Variants in BPGM observed in about 807,000 individuals in gnomAD.
BPGM encodes the protein 2,3-bisphosphoglycerate mutase, erythrocyte.
BPGM carries 15 observed loss-of-function variants against 21.6 expected under a neutral mutation model. The ratio of observed to expected loss-of-function variants is 0.70; its 90% CI spans 0.47 to 1.07. The LOEUF (loss-of-function observed/expected upper bound fraction) is 1.07. BPGM is among the 50% of genes least tolerant of loss of function. The probability of loss-of-function intolerance (pLI) is 0.00; values close to 1 mark genes in which losing one functional copy is unlikely to be tolerated. For synonymous variants in BPGM, 113 were observed against 116.2 expected (o/e 0.97, Z 0.18); for missense variants, 273 against 319.0 (o/e 0.86, Z 1.10).
chr7:134,652,279 A>G (rs1183158570), intron 1 of BPGM, among the ~76,000 whole-genome samples: 1 of 152,226 alleles, frequency 6.6e-6, no homozygotes, highest in Non-Finnish European at 1.5e-5. Flanking sequence ...AGCTAGGCCA[A>G]TATCGGCATA....
chr7:134,649,334 G>C (rs1410241679), intron 1 of BPGM, among the ~76,000 whole-genome samples: 1 of 152,186 alleles, frequency 6.6e-6, no homozygotes, highest in East Asian at 1.9e-4. Flanking sequence ...GTATAATGTG[G>C]CAGAAAAATG....
intron 2 of BPGM, among the ~76,000 whole-genome samples, chr7:134,675,503 GATT>G (rs1795972512): frequency 6.6e-6 from 1 of 152,054 alleles, no homozygotes; most frequent in Admixed American, 6.6e-5. Context: ...TTGTTGAAAA[GATT>G]ATTGTTTCTG....
intron 1 of BPGM, among the ~76,000 whole-genome samples, chr7:134,657,692 C>A (rs893162414): frequency 6.6e-6 from 1 of 152,112 alleles, no homozygotes; most frequent in African/African-American, 2.4e-5. Flanking sequence ...CAGTTCAGAT[C>A]TTTTTCAGTG....
At chr7:134,667,742 ACTT>A (rs796751974) in intron 2 of BPGM, among the ~76,000 whole-genome samples, 4 of 152,246 alleles carry the variant, frequency 2.6e-5, no homozygotes, top group African/African-American at 9.6e-5. Flanking sequence ...GTTTATGTAA[ACTT>A]CTCCCATATA....
intron 1 of BPGM, among the ~76,000 whole-genome samples, chr7:134,651,982 GA>G (rs1162760959): frequency 7.2e-5 from 11 of 152,150 alleles, no homozygotes; most frequent in African/African-American, 2.4e-4. Context: ...ATTTTTGAAG[GA>G]GATTAACAGG....
At chr7:134,669,004 A>G (rs1331051438) in intron 2 of BPGM, among the ~76,000 whole-genome samples, 1 of 152,152 alleles carries the variant, frequency 6.6e-6, no homozygotes, top group African/African-American at 2.4e-5. Context: ...AGTTGTCAAA[A>G]CTCATAGAAC....
At chr7:134,660,738 C>A (rs1047803507) in intron 1 of BPGM, 1 of 152,282 alleles carries the variant, frequency 6.6e-6, no homozygotes, top group Non-Finnish European at 1.5e-5. Context: ...TGGATTTATT[C>A]CTGCTGAAAA....
At chr7:134,673,414 T>A (rs748161674) in intron 2 of BPGM, among the ~76,000 whole-genome samples, 2 of 152,192 alleles carry the variant, frequency 1.3e-5, no homozygotes, top group Non-Finnish European at 1.5e-5. Context: ...TTTGTTTATT[T>A]GGCTCTTTAA....
At chr7:134,675,945 C>T (rs1412009128) in intron 2 of BPGM, among the ~76,000 whole-genome samples, 1 of 152,108 alleles carries the variant, frequency 6.6e-6, no homozygotes, top group Non-Finnish European at 1.5e-5. Flanking sequence ...TTATTTTTAG[C>T]ATTTTATTCT....
chr7:134,676,098 G>A (rs1795980109), intron 2 of BPGM, among the ~76,000 whole-genome samples: 1 of 152,120 alleles, frequency 6.6e-6, no homozygotes. Flanking sequence ...GGTTTTTGGT[G>A]GGATCATACC....
intron 2 of BPGM, among the ~76,000 whole-genome samples, chr7:134,677,665 A>C (rs146434746): frequency 6.6e-6 from 1 of 152,344 alleles, no homozygotes; most frequent in Non-Finnish European, 1.5e-5. Flanking sequence ...GACTCCCCTG[A>C]ACTTGTTTCA....
intron 1 of BPGM, among the ~76,000 whole-genome samples, chr7:134,649,950 C>G (rs1431764221): frequency 6.6e-6 from 1 of 152,242 alleles, no homozygotes; most frequent in Non-Finnish European, 1.5e-5. Flanking sequence ...TCAAAGTCTG[C>G]TCCATTCTAC....
chr7:134,662,033 G>T lies in BPGM; in HGVS notation c.526G>T (p.Glu176Ter). The T allele has an allele frequency of 6.2e-7, 1 of 1,614,156 alleles. No individual in the cohort carries two copies. Among genetic ancestry groups the T allele is most frequent in the East Asian group, 2.2e-5 (1 of 44,880 alleles). The change falls in exon 2 of 3, where the codon GAA becomes TAA. Residue 176 changes from glutamate (E) to a stop codon, truncating the protein, a stop_gained. Transcript: ENST00000344924. LOFTEE classifies it high-confidence loss of function. ...LPYWNERIAP[E>*]VLRGKTILIS... is the part of the protein sequence containing the mutation. Reference sequence around the variant, plus strand: ...CTATTGGAATGAAAGGATTGCTCCCGAAGTATTACGTGGCAAAACCATTCT... The same window carrying T: ...CTATTGGAATGAAAGGATTGCTCCCTAAGTATTACGTGGCAAAACCATTCT...
At chr7:134,673,945 C>G (rs1795945941) in intron 2 of BPGM, among the ~76,000 whole-genome samples, 1 of 133,518 alleles carries the variant, frequency 7.5e-6, no homozygotes, top group Admixed American at 8.5e-5. Flanking sequence ...CAGAGTCTTG[C>G]TGTGTCACCC....
chr7:134,655,753 T>G (rs1795627326), intron 1 of BPGM, among the ~76,000 whole-genome samples: 1 of 152,240 alleles, frequency 6.6e-6, no homozygotes, highest in African/African-American at 2.4e-5. Context: ...AGCCTTAGTC[T>G]CATGTGTACA....
intron 2 of BPGM, among the ~76,000 whole-genome samples, chr7:134,668,291 C>G (rs547764129): frequency 9.8e-5 from 15 of 152,320 alleles, no homozygotes; most frequent in Admixed American, 6.5e-4. Flanking sequence ...ACTCAGTTCA[C>G]TGAGGCTCCA....
chr7:134,670,632 A>ATAGG (rs1042624519), intron 2 of BPGM, among the ~76,000 whole-genome samples: 1 of 151,596 alleles, frequency 6.6e-6, no homozygotes, highest in Non-Finnish European at 1.5e-5. Context: ...TTAAAAATAG[A>ATAGG]TCATTTATGA....
chr7:134,670,774 C>A (rs1795891420), intron 2 of BPGM, among the ~76,000 whole-genome samples: 1 of 152,040 alleles, frequency 6.6e-6, no homozygotes, highest in Non-Finnish European at 1.5e-5. Flanking sequence ...TGGGTGGCAC[C>A]TTATTAAATG....
intron 1 of BPGM, among the ~76,000 whole-genome samples, chr7:134,656,639 G>A (rs529434693): frequency 3.3e-5 from 5 of 152,150 alleles, no homozygotes; most frequent in Admixed American, 6.5e-5. Flanking sequence ...ATCAGACCTC[G>A]TGAGAACTCA....
Sources: allele counts gnomAD v4.1 joint callset (sites outside exome capture counted in the v4.1 genomes callset), GRCh38; gene constraint gnomAD v4.1.1; transcripts MANE v1.5; gene names NCBI Gene and HGNC (gene_info 2026-07-23, HGNC 2026-07-21).